UBA6: variants seen among roughly 807,000 people sequenced by gnomAD.
The protein encoded by UBA6 is ubiquitin-like modifier-activating enzyme 6.
A neutral mutation model predicts 148.3 loss-of-function variants in UBA6; 87 were observed. The ratio of observed to expected loss-of-function variants is 0.59; its 90% CI spans 0.49 to 0.70. UBA6 has a LOEUF of 0.70. Ranked by LOEUF, UBA6 falls within the 30% of genes least tolerant of loss-of-function variation. The pLI is 0.00. For synonymous variants in UBA6, 376 were observed against 401.0 expected, an observed-to-expected ratio of 0.94 and a Z score of 0.75; for missense variants, 1,186 against 1,241.2, an observed-to-expected ratio of 0.96 and a Z score of 0.67.
chr4:67,658,972 G>A (rs1729773452), intron 13 of UBA6, among the ~76,000 whole-genome samples: 1 of 151,990 alleles, frequency 6.6e-6, no homozygotes, highest in Non-Finnish European at 1.5e-5. Flanking sequence ...CATCTGAATT[G>A]ATTGTGTACA....
intron 1 of UBA6, among the ~76,000 whole-genome samples, chr4:67,699,170 G>C (rs1730911278): frequency 6.6e-6 from 1 of 152,120 alleles, no homozygotes; most frequent in African/African-American, 2.4e-5. Flanking sequence ...CCAGGTACAG[G>C]GAACCAGTCT....
chr4:67,670,659 C>T, intron 7 of UBA6, 67 bp from the exon 8 acceptor site: 4 of 1,201,270 alleles, frequency 3.3e-6, no homozygotes, highest in Non-Finnish European at 4.8e-6. Flanking sequence ...GTATCTTAGG[C>T]CATTTCATAA....
At chr4:67,641,274 T>C in intron 17 of UBA6, 46 bp from the exon 18 acceptor site, 1 of 1,164,366 alleles carries the variant, frequency 8.6e-7, no homozygotes, top group Non-Finnish European at 1.3e-6. Flanking sequence ...GGATACCTTT[T>C]AATCTATTTT....
At chr4:67,652,716 C>T (rs1317052817) in intron 13 of UBA6, among the ~76,000 whole-genome samples, 1 of 152,296 alleles carries the variant, frequency 6.6e-6, no homozygotes, top group African/African-American at 2.4e-5. Context: ...CGAAGCAGGG[C>T]GGTATGTCAC....
At chr4:67,694,469 G>C (rs1730783442) in intron 2 of UBA6, among the ~76,000 whole-genome samples, 1 of 150,782 alleles carries the variant, frequency 6.6e-6, no homozygotes, top group Non-Finnish European at 1.5e-5. Flanking sequence ...TCAGCTCACT[G>C]CAAGCTCTGC....
chr4:67,681,687 T>C lies in UBA6; in HGVS notation c.230-96A>G, dbSNP rs1461577571. The C allele has an allele frequency of 7.4e-6, 6 of 808,460 alleles. No individual in the cohort carries two copies. The East Asian group carries it at 1.7e-4, about 23-fold the overall frequency. The allele number at this position is 808,460 out of a possible 1,614,324, so 50.1% of individuals were successfully genotyped here. On this transcript the variant is annotated intron_variant, in intron 3 of 32. Transcript: ENST00000322244. Reference sequence around the variant, plus strand: ...AGTCACATATCTGACTGCATACTTTTAACTTCTTTTTTTACTACTTAATAC... The same window carrying C: ...AGTCACATATCTGACTGCATACTTTCAACTTCTTTTTTTACTACTTAATAC...
At chr4:67,644,866 C>T (rs1729386364) in intron 16 of UBA6, 88 bp from the exon 17 acceptor site, 1 of 628,300 alleles carries the variant, frequency 1.6e-6, no homozygotes, top group Non-Finnish European at 2.8e-6. Flanking sequence ...GTTTATTTTA[C>T]CACTGTTTCA....
chr4:67,664,678 T>A (rs1330699265), intron 10 of UBA6, among the ~76,000 whole-genome samples: 1 of 151,892 alleles, frequency 6.6e-6, no homozygotes, highest in Non-Finnish European at 1.5e-5. Flanking sequence ...TGCCAGTCGT[T>A]TTTAGAAATT....
rs1317999496 is a variant in UBA6, at chr4:67,682,221, G to A, written c.135-8C>T. ...AGAACGTACCTCTGTCGACTACACG[G>A]AAAACACAATAAAAAACAAAAAATT... On this transcript the variant is annotated splice_region_variant and splice_polypyrimidine_tract_variant and intron_variant, in intron 2 of 32. Transcript: ENST00000322244. The A allele has an allele frequency of 3.7e-6, 6 of 1,607,440 alleles. No individual in the cohort carries two copies. The highest frequency in any genetic ancestry group is 5.1e-6 in the Non-Finnish European group (6 of 1,176,194).
At position 67,685,411 on chromosome 4, in the gene UBA6, A is replaced by T. The variant is rs6845645; in HGVS notation, c.135-3198T>A. 5.0e-3 allele frequency among the ~76,000 whole-genome samples: 760 copies of T among 152,326 alleles called. 9 individuals carry two copies. Among genetic ancestry groups the T allele is most frequent in the African/African-American group, 0.017 (714 of 41,572 alleles). ...GGCATTCATGAACTAGTCCCTGCTTAGTTCTCTAGTGTCATCTTTTGCCTC... is the reference window on the plus strand; with the variant it reads ...GGCATTCATGAACTAGTCCCTGCTTTGTTCTCTAGTGTCATCTTTTGCCTC... On this transcript the variant is annotated intron_variant, in intron 2 of 32. Transcript: ENST00000322244.
In UBA6 at chr4:67,640,305, C is replaced by G. The variant is rs368896278; in HGVS notation, c.1554+846G>C. On this transcript the variant is annotated intron_variant, in intron 18 of 32. Transcript: ENST00000322244. ...ATACACTTTGCAACATATTTTAGTTCACAACGGACCCTGTTACTTTGTCTA... is the reference window on the plus strand; with the variant it reads ...ATACACTTTGCAACATATTTTAGTTGACAACGGACCCTGTTACTTTGTCTA... Among the ~76,000 whole-genome samples, 6 of 152,258 alleles carry G rather than the reference C, an allele frequency of 3.9e-5. No individual in the cohort carries two copies. The East Asian group carries it at 7.7e-4, about 20-fold the overall frequency.
At chr4:67,646,602 T>C (rs1014430851) in intron 15 of UBA6, 122 bp downstream of exon 15, 3 of 659,580 alleles carry the variant, frequency 4.5e-6, no homozygotes, top group Non-Finnish European at 7.8e-6. Context: ...GATTCCTAAG[T>C]AGAGAAAAAA....
intron 31 of UBA6, 63 bp downstream of exon 31, chr4:67,623,072 T>C: frequency 7.0e-7 from 1 of 1,431,260 alleles, no homozygotes; most frequent in Non-Finnish European, 9.6e-7. Flanking sequence ...AAATTATAAA[T>C]AAAAACAAAA....
chr4:67,624,880 C>T, intron 29 of UBA6, 114 bp downstream of exon 29: 1 of 791,542 alleles, frequency 1.3e-6, no homozygotes, highest in South Asian at 2.9e-5. Context: ...TTATGAGATC[C>T]AATATTTATC....
At chr4:67,630,779 T>G (rs929685036) in intron 25 of UBA6, among the ~76,000 whole-genome samples, 2 of 152,190 alleles carry the variant, frequency 1.3e-5, no homozygotes, top group African/African-American at 4.8e-5. Context: ...GTAGTGATCA[T>G]GACTACCTTG....
In UBA6 at chr4:67,618,919, T is replaced by G. The variant is rs987353156; in HGVS notation, c.*78A>C. On this transcript the variant is annotated 3_prime_UTR_variant, in exon 33 of 33. Transcript: ENST00000322244. ...AAGAGAAATCCATAGTATTATGAAC[T>G]GATTTTCTTTAGCTTCTGAATTAAG... 2.9e-5 allele frequency: 41 copies of G among 1,424,072 alleles called. No individual in the cohort carries two copies. The highest frequency in any genetic ancestry group is 3.7e-5 in the Non-Finnish European group (38 of 1,036,398). 88.2% of individuals were successfully genotyped at this position (1,424,072 alleles called of 1,614,324 possible).
At chr4:67,656,437 T>C (rs1028419337) in intron 13 of UBA6, among the ~76,000 whole-genome samples, 35 of 152,192 alleles carry the variant, frequency 2.3e-4, no homozygotes, top group African/African-American at 8.4e-4. Context: ...AACCACATGA[T>C]TATCTCAATA....
In UBA6 at chr4:67,701,092, G is replaced by C; in HGVS notation, c.28C>G (p.His10Asp). Reference sequence around the variant, plus strand: ...GAACAGGACGCCTCTTCCCCCTGATGGGCGGCCACAGGCTCGGATCCTTCC... The same window carrying C: ...GAACAGGACGCCTCTTCCCCCTGATCGGCGGCCACAGGCTCGGATCCTTCC... MEGSEPVAA[H>D]QGEEASCSSW... is the part of the protein sequence containing the mutation. Residue 10 changes from histidine to aspartate, a missense_variant, in exon 1 of 33, where the codon CAT (histidine) becomes GAT (aspartate). Transcript: ENST00000322244. The C allele has an allele frequency of 6.2e-7, 1 of 1,613,732 alleles. No homozygotes were observed. The highest frequency in any genetic ancestry group is 8.5e-7 in the Non-Finnish European group (1 of 1,179,816).
At chr4:67,638,719 G>GA (rs797017264) in intron 19 of UBA6, among the ~76,000 whole-genome samples, 41 of 152,288 alleles carry the variant, frequency 2.7e-4, no homozygotes, top group African/African-American at 9.4e-4. Context: ...CTGGCATGGT[G>GA]AACAGGTGAA....
Sources: allele counts gnomAD v4.1 joint callset (sites outside exome capture counted in the v4.1 genomes callset), GRCh38; gene constraint gnomAD v4.1.1; transcripts MANE v1.5; gene names NCBI Gene and HGNC (gene_info 2026-07-23, HGNC 2026-07-21).